Variants in MYH11 observed in about 807,000 individuals in gnomAD.
MYH11 encodes myosin heavy chain 11.
In MYH11, 80 loss-of-function variants were observed where a neutral mutation model predicts 246.6. The ratio of observed to expected loss-of-function variants is 0.32; its 90% confidence interval spans 0.27 to 0.39. The LOEUF is 0.39. MYH11 is among the 10% of genes least tolerant of loss of function. The pLI is 1.00. For synonymous variants in MYH11, 1,071 were observed against 1,015.5 expected (o/e 1.05, Z -1.04); for missense variants, 2,158 against 2,546.8 (o/e 0.85, Z 3.29).
intron 3 of MYH11, among the ~76,000 whole-genome samples, chr16:15,820,871 G>A (rs986099428): frequency 2.7e-4 from 41 of 151,950 alleles, no homozygotes; most frequent in Admixed American, 1.8e-3. Context: ...TGCAATGTTG[G>A]TTTTCTTTTC....
chr16:15,809,741 AGCAAAACCTCATC>A lies in MYH11; in HGVS notation c.503-11067_503-11055del, dbSNP rs148364776. ...AGTTCAAGGCCAGCCTGAACAACAT[AGCAAAACCTCATC>A]TCTACAAAAAATACAAAAATTAGCC... On this transcript the variant is annotated intron_variant, in intron 3 of 40. Transcript: ENST00000300036. Among the ~76,000 whole-genome samples the A allele has an allele frequency of 8.3e-3, 1,270 of 152,158 alleles. 27 individuals carry two copies. The highest frequency in any genetic ancestry group is 0.046 in the East Asian group (233 of 5,120).
Position 15,759,655 on chromosome 16 carries a change from T to A in MYH11, c.1322A>T (p.Asn441Ile). The change falls in exon 12 of 41, where the codon AAC (asparagine) becomes ATC (isoleucine). Residue 441 changes from asparagine (N) to isoleucine (I), a missense_variant. Around this residue, in one of 11 missense-constraint regions of MYH11, gnomAD observed 317 missense variants for 507.7 expected, o/e 0.62. Transcript: ENST00000300036. ...RLFRWILTRV[N>I]KALDKTHRQG... Reference sequence around the variant, plus strand: ...CCGATGGGTCTTGTCCAGGGCTTTGTTCACGCGGGTGAGTATCCAGCGGAA... The same window carrying A: ...CCGATGGGTCTTGTCCAGGGCTTTGATCACGCGGGTGAGTATCCAGCGGAA... 6.2e-7 allele frequency: 1 copy of A among 1,614,222 alleles called. No individual in the cohort carries two copies. The highest frequency in any genetic ancestry group is 8.5e-7 in the Non-Finnish European group (1 of 1,180,040).
At position 15,708,660 on chromosome 16, in the gene MYH11, A is replaced by G. The variant is rs528322406; in HGVS notation, c.5787-4537T>C. ...TTGGTTTCAATGAAAGCTTTGCACAAAGATATCCAAGCCTCCAGATTTTGC... is the reference window on the plus strand; with the variant it reads ...TTGGTTTCAATGAAAGCTTTGCACAGAGATATCCAAGCCTCCAGATTTTGC... On this transcript the variant is annotated intron_variant, in intron 40 of 40. Transcript: ENST00000300036. 10 of 862,890 alleles carry G rather than the reference A, an allele frequency of 1.2e-5. No homozygotes were observed. The African/African-American group carries it at 1.7e-4, about 14-fold the overall frequency. The allele number at this position is 862,890 out of a possible 1,614,324, so 53.5% of individuals were successfully genotyped here.
intron 6 of MYH11, among the ~76,000 whole-genome samples, chr16:15,781,098 G>A (rs1225509775): frequency 6.6e-6 from 1 of 152,056 alleles, no homozygotes. Context: ...TAGAGATGGG[G>A]TTTCCCCATG....
chr16:15,711,716 C>G (rs1379152175), intron 40 of MYH11, among the ~76,000 whole-genome samples: 3 of 151,800 alleles, frequency 2.0e-5, no homozygotes, highest in Admixed American at 1.3e-4. Flanking sequence ...TTTTTGAGAC[C>G]GAGTTTTGGT....
chr16:15,831,101 G>A (rs2043724210), intron 2 of MYH11, among the ~76,000 whole-genome samples: 1 of 152,120 alleles, frequency 6.6e-6, no homozygotes, highest in Non-Finnish European at 1.5e-5. Flanking sequence ...GAACCTGGGA[G>A]GGGGCTGTTG....
At chr16:15,854,074 G>C (rs954488525) in intron 1 of MYH11, among the ~76,000 whole-genome samples, 4 of 152,234 alleles carry the variant, frequency 2.6e-5, no homozygotes, top group Non-Finnish European at 5.9e-5. Context: ...ATTGGAATTT[G>C]TAACATTCCC....
rs201960644 is a variant in MYH11, at chr16:15,717,308, G to T, written c.5336C>A (p.Thr1779Lys). The change falls in exon 38 of 41, where the codon ACG becomes AAG. Residue 1779 changes from threonine to lysine, a missense_variant. Thr to Lys is a moderately conservative substitution (Grantham distance 78). Coordinates refer to ENST00000300036, the MANE Select transcript of MYH11 (RefSeq NM_002474.3). Reference protein sequence around the residue: ...LSNELATERSTAQKNESARQQ... With the variant: ...LSNELATERSKAQKNESARQQ... ...CCGGGCACTCTCATTCTTCTGGGCC[G>T]TGCTGCGCTCTGTGGCCAGCTCGTT... The T allele has an allele frequency of 8.2e-5, 132 of 1,611,880 alleles. No homozygotes were observed. Among genetic ancestry groups the T allele is most frequent in the Non-Finnish European group, 1.1e-4 (129 of 1,180,040 alleles).
At chr16:15,854,911 T>G (rs9925813) in intron 1 of MYH11, among the ~76,000 whole-genome samples, 28,480 of 148,402 alleles carry the variant, frequency 0.19, 3,289 homozygotes, top group East Asian at 0.43. Flanking sequence ...AAATCTCTTC[T>G]CCTTAGGGTT....
At position 15,748,141 on chromosome 16, in the gene MYH11, G is replaced by A; in HGVS notation, c.2086C>T (p.Leu696=). 6.2e-7 allele frequency: 1 copy of A among 1,614,028 alleles called. No homozygotes were observed. The highest frequency in any genetic ancestry group is 8.5e-7 in the Non-Finnish European group (1 of 1,180,042). ...ACCCCATTGCACCGCAGCTGCTCCA[G>A]CACCAGGAACGCATCCAGCTTGCCG... The part of the protein sequence containing the change: ...RSGKLDAFLV[L]EQLRCNGVLE... Residue 696 remains leucine, a synonymous_variant, in exon 17 of 41, where the codon CTG becomes TTG. Coordinates refer to ENST00000300036, the MANE Select transcript of MYH11 (RefSeq NM_002474.3).
intron 1 of MYH11, among the ~76,000 whole-genome samples, chr16:15,842,081 A>T (rs1306592030): frequency 6.6e-6 from 1 of 152,194 alleles, no homozygotes; most frequent in African/African-American, 2.4e-5. Flanking sequence ...AATAATAATT[A>T]AAAAACTAAT....
intron 4 of MYH11, among the ~76,000 whole-genome samples, chr16:15,794,543 T>G (rs940877099): frequency 6.6e-6 from 1 of 152,256 alleles, no homozygotes; most frequent in Non-Finnish European, 1.5e-5. Context: ...GCCAAGTCCT[T>G]GCTAACGCTG....
chr16:15,781,677 C>A (rs985380787), intron 6 of MYH11, among the ~76,000 whole-genome samples: 5 of 152,172 alleles, frequency 3.3e-5, no homozygotes, highest in Non-Finnish European at 2.9e-5. Flanking sequence ...TGCTTTGGAG[C>A]CTGGGGGAGT....
In MYH11 at chr16:15,720,265, G is replaced by A. The variant is rs536345257; in HGVS notation, c.4839C>T (p.Ala1613=). The part of the protein sequence containing the change: ...TELEDERKQR[A]LAAAAKKKLE... ...GCTTCTTCTTTGCTGCAGCTGCCAG[G>A]GCACGTTGCTTTCGCTCGTCTTCCA... is the stretch of plus-strand genomic sequence containing the variant. The change falls in exon 34 of 41, where the codon GCC becomes GCT. Residue 1613 remains alanine (A), a synonymous_variant. Transcript: ENST00000300036. 6.2e-7 allele frequency: 1 copy of A among 1,614,132 alleles called. No individual in the cohort carries two copies. Among genetic ancestry groups the A allele is most frequent in the East Asian group, 2.2e-5 (1 of 44,870 alleles).
At chr16:15,743,089 T>G (rs1194028679) in intron 20 of MYH11, among the ~76,000 whole-genome samples, 1 of 151,956 alleles carries the variant, frequency 6.6e-6, no homozygotes, top group African/African-American at 2.4e-5. Context: ...GAACCATTAT[T>G]GAACTCATCA....
chr16:15,719,262 T>C lies in MYH11; in HGVS notation c.5129A>G (p.Lys1710Arg). The stretch of plus-strand genomic sequence containing the variant: ...GGCCAGCTCCTCTGCCAGTTCCTCC[T>C]TCTCGAGGTCCGCTTGTTTGCGAGC... ...ERARKQADLE[K>R]EELAEELASS... The change falls in exon 36 of 41, where the codon AAG (lysine) becomes AGG (arginine). Residue 1710 changes from lysine to arginine, a missense_variant. By Grantham distance (26) the Lys-to-Arg change is conservative. Transcript: ENST00000300036. The C allele has an allele frequency of 6.2e-7, 1 of 1,613,440 alleles. No homozygotes were observed. The highest frequency in any genetic ancestry group is 8.5e-7 in the Non-Finnish European group (1 of 1,180,028).
intron 38 of MYH11, among the ~76,000 whole-genome samples, chr16:15,715,798 C>T (rs2040097469): frequency 6.6e-6 from 1 of 152,058 alleles, no homozygotes; most frequent in African/African-American, 2.4e-5. Flanking sequence ...AGGCGTACAC[C>T]AGCATGCTCA....
rs535823583 is a variant in MYH11 at position 15,837,412 on chromosome 16, C to T, written c.345+496G>A. On this transcript the variant is annotated intron_variant, in intron 2 of 40. Coordinates refer to ENST00000300036, the MANE Select transcript of MYH11 (RefSeq NM_002474.3). The stretch of plus-strand genomic sequence containing the variant: ...AATGAGGGTGATTATTCCCATTTTA[C>T]GGATAGGAAAACCAAGGCTTCGAGA... Among the ~76,000 whole-genome samples the T allele has an allele frequency of 3.3e-3, 501 of 152,230 alleles. 3 individuals carry two copies. The highest frequency in any genetic ancestry group is 0.012 in the African/African-American group (483 of 41,526).
chr16:15,823,751 G>A (rs1039164551), intron 2 of MYH11, among the ~76,000 whole-genome samples: 2 of 152,054 alleles, frequency 1.3e-5, no homozygotes, highest in African/African-American at 4.8e-5. Flanking sequence ...TCAGCCTCCT[G>A]AGTAGCCAGG....
Sources: gnomAD v4.1 joint callset for allele counts (sites outside exome capture counted in the v4.1 genomes callset) on GRCh38, gnomAD v4.1.1 for gene constraint, gnomAD v4.1.1 regional missense constraint, MANE v1.5 for transcripts, NCBI Gene and HGNC (gene_info 2026-07-23, HGNC 2026-07-21) for gene names.